The following TMEFF2 variants were observed in gnomAD, a reference collection of about 807,000 sequenced individuals.
TMEFF2 encodes the protein transmembrane protein with EGF like and two follistatin like domains 2.
In TMEFF2, 28 loss-of-function variants were observed where a neutral mutation model predicts 53.8. The ratio of observed to expected loss-of-function variants is 0.52; its 90% CI spans 0.39 to 0.71. The LOEUF (loss-of-function observed/expected upper bound fraction) is 0.71. TMEFF2 is among the 30% of genes least tolerant of loss of function. The probability of loss-of-function intolerance (pLI) is 0.00; values close to 1 mark genes in which losing one functional copy is unlikely to be tolerated. For synonymous variants in TMEFF2, 162 were observed against 166.3 expected (o/e 0.97, Z 0.20); for missense variants, 353 against 455.2 (o/e 0.78, Z 2.04).
At chr2:192,109,254 A>G (rs761949328) in intron 4 of TMEFF2, among the ~76,000 whole-genome samples, 2 of 152,074 alleles carry the variant, frequency 1.3e-5, no homozygotes, top group Non-Finnish European at 2.9e-5. Flanking sequence ...CATGTACTAT[A>G]TTCTTATTTA....
chr2:192,161,003 T>A (rs1218168490), intron 4 of TMEFF2, among the ~76,000 whole-genome samples: 1 of 152,064 alleles, frequency 6.6e-6, no homozygotes, highest in Non-Finnish European at 1.5e-5. Flanking sequence ...AGCCATTTTA[T>A]TGCTAGAGAA....
intron 4 of TMEFF2, among the ~76,000 whole-genome samples, chr2:192,162,017 G>A (rs1690645961): frequency 6.6e-6 from 1 of 152,136 alleles, no homozygotes; most frequent in African/African-American, 2.4e-5. Flanking sequence ...TAACAACCTT[G>A]AAGAAGAAAA....
At position 192,169,451 on chromosome 2, in the gene TMEFF2, C is replaced by A. The variant is rs1467646860; in HGVS notation, c.439+10217G>T. Among the ~76,000 whole-genome samples the A allele has an allele frequency of 2.6e-5, 4 of 152,034 alleles. No homozygotes were observed. In the East Asian group the frequency reaches 7.7e-4, roughly 29 times the overall value. ...GAAAATGAATGATGTGAATGGAGAG[C>A]CAGGAACTGAACCAGTTCTGGTGGT... On this transcript the variant is annotated intron_variant, in intron 4 of 9. Coordinates refer to ENST00000272771, the MANE Select transcript of TMEFF2 (RefSeq NM_016192.4).
At chr2:191,974,973 T>G (rs1685673495) in intron 7 of TMEFF2, among the ~76,000 whole-genome samples, 1 of 152,026 alleles carries the variant, frequency 6.6e-6, no homozygotes, top group Admixed American at 6.6e-5. Context: ...GATTAATTAA[T>G]TATAACATCA....
chr2:191,970,199 T>G (rs942254225), intron 7 of TMEFF2, among the ~76,000 whole-genome samples: 1 of 152,124 alleles, frequency 6.6e-6, no homozygotes, highest in Non-Finnish European at 1.5e-5. Flanking sequence ...TGAGCAAGTT[T>G]TTTTCATGCC....
intron 4 of TMEFF2, among the ~76,000 whole-genome samples, chr2:192,132,229 C>T (rs1689857517): frequency 6.6e-6 from 1 of 152,140 alleles, no homozygotes; most frequent in Admixed American, 6.5e-5. Context: ...ACTAGCCCTC[C>T]CCCACCTGCC....
intron 7 of TMEFF2, among the ~76,000 whole-genome samples, chr2:191,972,116 C>G (rs919799277): frequency 2.0e-5 from 3 of 150,350 alleles, no homozygotes; most frequent in Admixed American, 6.7e-5. Flanking sequence ...TACTATACAC[C>G]AAGCTAAGAA....
chr2:192,054,101 G>C (rs62180360), intron 5 of TMEFF2, among the ~76,000 whole-genome samples: 1 of 151,312 alleles, frequency 6.6e-6, no homozygotes, highest in Non-Finnish European at 1.5e-5. Flanking sequence ...CTTCACAGCC[G>C]TGGCCACTTA....
intron 3 of TMEFF2, among the ~76,000 whole-genome samples, chr2:192,180,146 A>C (rs143417955): frequency 1.8e-3 from 270 of 151,836 alleles, no homozygotes; most frequent in African/African-American, 6.3e-3. Context: ...CAGTTTAAAA[A>C]GAAATATATT....
chr2:192,164,573 C>CA (rs1474966464), intron 4 of TMEFF2, among the ~76,000 whole-genome samples: 1 of 151,950 alleles, frequency 6.6e-6, no homozygotes, highest in Non-Finnish European at 1.5e-5. Flanking sequence ...ACTAAAAATA[C>CA]AAAAATTAGC....
intron 7 of TMEFF2, among the ~76,000 whole-genome samples, chr2:191,996,447 A>G (rs1686222352): frequency 6.6e-6 from 1 of 151,930 alleles, no homozygotes; most frequent in African/African-American, 2.4e-5. Flanking sequence ...AGTGGCTTAT[A>G]ATACCATCAA....
chr2:192,098,898 A>C (rs1688973998), intron 4 of TMEFF2, among the ~76,000 whole-genome samples: 1 of 152,204 alleles, frequency 6.6e-6, no homozygotes, highest in Non-Finnish European at 1.5e-5. Context: ...AATTGATTTG[A>C]ATTTTTTCAG....
At chr2:192,193,761 TAGAGAGAGAG>T (rs530141565) in intron 1 of TMEFF2, among the ~76,000 whole-genome samples, 93 of 47,850 alleles carry the variant, frequency 1.9e-3, no homozygotes, top group South Asian at 4.7e-3. Flanking sequence ...GATAGATAGA[TAGAGAGAGAG>T]AGAGAGAGAG....
chr2:192,034,215 T>G (rs1294198305), intron 5 of TMEFF2, among the ~76,000 whole-genome samples: 2 of 151,980 alleles, frequency 1.3e-5, no homozygotes, highest in South Asian at 4.2e-4. Flanking sequence ...TAAATATGAT[T>G]TTGAGTATCA....
In TMEFF2 at chr2:192,074,561, G is replaced by C. The variant is rs531160789; in HGVS notation, c.440-16786C>G. On this transcript the variant is annotated intron_variant, in intron 4 of 9. Coordinates refer to ENST00000272771, the MANE Select transcript of TMEFF2 (RefSeq NM_016192.4). ...AAAAAATGGAAATCAAATGTTCTAG[G>C]TTTGTATTTTCCAACACGGAAGCTA... Among the ~76,000 whole-genome samples the C allele has an allele frequency of 3.3e-5, 5 of 151,852 alleles. No homozygotes were observed. In the South Asian group the frequency reaches 6.2e-4, roughly 19 times the overall value.
intron 5 of TMEFF2, among the ~76,000 whole-genome samples, chr2:192,025,723 C>T (rs1037824753): frequency 6.6e-6 from 1 of 151,978 alleles, no homozygotes; most frequent in Non-Finnish European, 1.5e-5. Flanking sequence ...TAAACAGATT[C>T]CTGGTGCTTC....
intron 4 of TMEFF2, among the ~76,000 whole-genome samples, chr2:192,165,377 T>C (rs184274114): frequency 8.5e-5 from 13 of 152,264 alleles, no homozygotes; most frequent in African/African-American, 2.6e-4. Flanking sequence ...ATGTCTTTCT[T>C]GAAGAGTTAC....
chr2:192,100,356 A>G (rs1689006350), intron 4 of TMEFF2, among the ~76,000 whole-genome samples: 1 of 152,052 alleles, frequency 6.6e-6, no homozygotes, highest in African/African-American at 2.4e-5. Context: ...TTCAAATGTT[A>G]TTTTCCAACA....
At position 192,179,913 on chromosome 2, in the gene TMEFF2, C is replaced by T. The variant is rs193040761; in HGVS notation, c.413-219G>A. ...CCATCATTTTTATTCCAGAGCTTTACGAAAACATTATTGCCCCGTTTGGAA... is the reference window on the plus strand; with the variant it reads ...CCATCATTTTTATTCCAGAGCTTTATGAAAACATTATTGCCCCGTTTGGAA... On this transcript the variant is annotated intron_variant, in intron 3 of 9. Transcript: ENST00000272771. Among the ~76,000 whole-genome samples, 175 of 151,494 alleles carry T rather than the reference C, an allele frequency of 1.2e-3. 1 individual carries two copies. Among genetic ancestry groups the T allele is most frequent in the Admixed American group, 2.3e-3 (35 of 15,154 alleles).
Sources: allele counts gnomAD v4.1 joint callset (sites outside exome capture counted in the v4.1 genomes callset), GRCh38; gene constraint gnomAD v4.1.1; transcripts MANE v1.5; gene names NCBI Gene and HGNC (gene_info 2026-07-23, HGNC 2026-07-21).